The following MAGI3 variants were observed in gnomAD, a reference collection of about 807,000 sequenced individuals.
MAGI3 encodes membrane associated guanylate kinase, WW and PDZ domain containing 3.
Under a neutral mutation model 121.8 loss-of-function variants are expected in MAGI3, and 43 were observed. The ratio of observed to expected loss-of-function variants is 0.35; its 90% CI spans 0.28 to 0.46. The LOEUF (loss-of-function observed/expected upper bound fraction) is 0.46. MAGI3 is among the 20% of genes least tolerant of loss of function. The probability of loss-of-function intolerance (pLI) is 1.00; values close to 1 mark genes in which losing one functional copy is unlikely to be tolerated. For missense variants in MAGI3, 1,547 were observed against 1,797.3 expected (o/e 0.86, Z 2.52); for synonymous variants, 553 against 639.3 (o/e 0.86, Z 2.04).
intron 1 of MAGI3, among the ~76,000 whole-genome samples, chr1:113,495,037 A>G (rs993681823): frequency 6.6e-5 from 10 of 152,126 alleles, no homozygotes; most frequent in Non-Finnish European, 1.3e-4. Flanking sequence ...TTAGTACCCT[A>G]ATTTTTGTAG....
intron 1 of MAGI3, among the ~76,000 whole-genome samples, chr1:113,425,973 T>C (rs1652989722): frequency 6.6e-6 from 1 of 152,196 alleles, no homozygotes; most frequent in African/African-American, 2.4e-5. Flanking sequence ...CTTCTTTTTC[T>C]AGTTTCTTGA....
intron 1 of MAGI3, among the ~76,000 whole-genome samples, chr1:113,545,081 TTG>T (rs1301503173): frequency 4.3e-5 from 6 of 140,680 alleles, no homozygotes; most frequent in South Asian, 4.5e-4. Flanking sequence ...TTGTTTTGTT[TTG>T]TTTTTTTTTT....
chr1:113,629,759 T>TCTCTCTCTCTCTCCCTCTCC (rs1651492140), intron 9 of MAGI3, among the ~76,000 whole-genome samples: 1 of 80,508 alleles, frequency 1.2e-5, no homozygotes, highest in Admixed American at 1.8e-4. Flanking sequence ...TCTCTCTCTC[T>TCTCTCTCTCTCTCCCTCTCC]CTCCCTCCCT....
chr1:113,437,624 A>T (rs1177692687), intron 1 of MAGI3, among the ~76,000 whole-genome samples: 1 of 152,056 alleles, frequency 6.6e-6, no homozygotes, highest in Non-Finnish European at 1.5e-5. Context: ...ATTATTTTTA[A>T]ACTATATATA....
At chr1:113,634,356 T>G (rs1228035892) in intron 9 of MAGI3, among the ~76,000 whole-genome samples, 1 of 152,180 alleles carries the variant, frequency 6.6e-6, no homozygotes, top group African/African-American at 2.4e-5. Flanking sequence ...CTTCTAGGGT[T>G]TTTATGGTTT....
rs1390554243 is a variant in MAGI3 at position 113,422,710 on chromosome 1, G to A, written c.316+31361G>A. On this transcript the variant is annotated intron_variant, in intron 1 of 20. Coordinates refer to ENST00000307546, the MANE Select transcript of MAGI3 (RefSeq NM_001142782.2). This position sits in a 1 kb window ranked among gnomAD's most constrained non-coding sequence, Gnocchi z 4.3. ...TAAGGGAACGTGGTGGCGCCTGAAAGCTGAGAGATACCAGGAACAGCAGAA... is the reference window on the plus strand; with the variant it reads ...TAAGGGAACGTGGTGGCGCCTGAAAACTGAGAGATACCAGGAACAGCAGAA... 1.3e-5 allele frequency among the ~76,000 whole-genome samples: 2 copies of A among 152,234 alleles called. No individual in the cohort carries two copies. Among genetic ancestry groups the A allele is most frequent in the Non-Finnish European group, 2.9e-5 (2 of 68,042 alleles).
chr1:113,521,405 TG>T (rs1454047980), intron 1 of MAGI3, among the ~76,000 whole-genome samples: 17 of 131,248 alleles, frequency 1.3e-4, no homozygotes, highest in East Asian at 7.3e-4. Flanking sequence ...TGTTTTTTTT[TG>T]TTTTTTGTTT....
At chr1:113,454,660 G>A (rs1469434962) in intron 1 of MAGI3, among the ~76,000 whole-genome samples, 6 of 151,522 alleles carry the variant, frequency 4.0e-5, no homozygotes, top group Non-Finnish European at 7.4e-5. Flanking sequence ...CCCATCCCTC[G>A]ACAGGCCCCG....
rs185935235 is a variant in MAGI3 at position 113,483,159 on chromosome 1, C to T, written c.317-66356C>T. On this transcript the variant is annotated intron_variant, in intron 1 of 20. Coordinates refer to ENST00000307546, the MANE Select transcript of MAGI3 (RefSeq NM_001142782.2). The stretch of plus-strand genomic sequence containing the variant: ...ATTACTGGAAAATTTGAACATGCCT[C>T]AACATTTTAACATATGTGAATGCCA... 6.6e-4 allele frequency among the ~76,000 whole-genome samples: 101 copies of T among 152,230 alleles called. 1 individual carries two copies. In the Middle Eastern group the frequency reaches 0.02, roughly 31 times the overall value.
intron 18 of MAGI3, 133 bp downstream of exon 18, chr1:113,672,874 G>A: frequency 8.4e-7 from 1 of 1,190,200 alleles, no homozygotes; most frequent in Non-Finnish European, 1.2e-6. Context: ...CCTGCCATGT[G>A]TTTGGCATTC....
chr1:113,612,026 C>T (rs1449561817), intron 6 of MAGI3, among the ~76,000 whole-genome samples: 1 of 151,766 alleles, frequency 6.6e-6, no homozygotes, highest in East Asian at 1.9e-4. Flanking sequence ...TCATTGCAAC[C>T]TCCACCTCCT....
intron 15 of MAGI3, among the ~76,000 whole-genome samples, chr1:113,654,912 A>G (rs1490402474): frequency 6.6e-6 from 1 of 152,204 alleles, no homozygotes; most frequent in Non-Finnish European, 1.5e-5. Context: ...CTTAGTTTAA[A>G]AAAAAGAAAA....
intron 4 of MAGI3, among the ~76,000 whole-genome samples, chr1:113,586,530 A>G (rs1408419004): frequency 6.6e-6 from 1 of 152,186 alleles, no homozygotes; most frequent in Non-Finnish European, 1.5e-5. Context: ...TTCACATAAT[A>G]CGTTTAATGT....
chr1:113,461,133 ATATCATTAAAATGGCTATAT>A (rs1270671290), intron 1 of MAGI3, among the ~76,000 whole-genome samples: 2 of 152,236 alleles, frequency 1.3e-5, no homozygotes, highest in Admixed American at 1.3e-4. Flanking sequence ...GGAAGACCCC[ATATCATTAAAATGGCTATAT>A]TGCCTAAAGC....
intron 1 of MAGI3, among the ~76,000 whole-genome samples, chr1:113,410,447 T>A (rs552710753): frequency 1.3e-5 from 2 of 152,056 alleles, no homozygotes; most frequent in African/African-American, 4.8e-5. Flanking sequence ...TATTTTAAAT[T>A]ATTTTGGCTG....
chr1:113,549,259 G>T (rs1021405907), intron 1 of MAGI3, among the ~76,000 whole-genome samples: 1 of 152,074 alleles, frequency 6.6e-6, no homozygotes, highest in Admixed American at 6.6e-5. Flanking sequence ...GAATATTTTT[G>T]TCACCTTCTC....
At chr1:113,453,558 ATAACT>A (rs1307068074) in intron 1 of MAGI3, among the ~76,000 whole-genome samples, 1 of 152,230 alleles carries the variant, frequency 6.6e-6, no homozygotes, top group East Asian at 1.9e-4. Context: ...GAGAATGAAC[ATAACT>A]TGGTAAAACA....
At chr1:113,425,587 A>G (rs539594814) in intron 1 of MAGI3, among the ~76,000 whole-genome samples, 1 of 152,080 alleles carries the variant, frequency 6.6e-6, no homozygotes, top group Non-Finnish European at 1.5e-5. Context: ...CCCAGCCTAC[A>G]AATTCAATTT....
chr1:113,552,119 A>G (rs1002198905), intron 2 of MAGI3, among the ~76,000 whole-genome samples: 20 of 152,172 alleles, frequency 1.3e-4, no homozygotes, highest in Non-Finnish European at 2.4e-4. Flanking sequence ...TAGCCATTAC[A>G]TTACTGTACT....
Sources: allele counts gnomAD v4.1 joint callset (sites outside exome capture counted in the v4.1 genomes callset), GRCh38; gene constraint gnomAD v4.1.1; non-coding constraint Gnocchi (gnomAD v3.1); transcripts MANE v1.5; gene names NCBI Gene and HGNC (gene_info 2026-07-23, HGNC 2026-07-21).